CDON: variants seen among roughly 807,000 people sequenced by gnomAD.
CDON encodes cell adhesion associated, oncogene regulated.
In CDON, 73 loss-of-function variants were observed where a neutral mutation model predicts 120.9. That is an observed-to-expected ratio of 0.60 (90% CI 0.50 to 0.73). The LOEUF (loss-of-function observed/expected upper bound fraction) is 0.73. Ranked by LOEUF, CDON falls within the 30% of genes least tolerant of loss-of-function variation. CDON has a pLI of 0.00. For synonymous variants in CDON, 566 were observed against 573.5 expected (o/e 0.99, Z 0.19); for missense variants, 1,470 against 1,587.3 (o/e 0.93, Z 1.26).
At position 125,981,188 on chromosome 11, in the gene CDON, T is replaced by G. The variant is rs761608208; in HGVS notation, c.3137A>C (p.Tyr1046Ser). The G allele has an allele frequency of 6.2e-7, 1 of 1,614,078 alleles. No individual in the cohort carries two copies. Among genetic ancestry groups the G allele is most frequent in the Non-Finnish European group, 8.5e-7 (1 of 1,180,038 alleles). Residue 1046 changes from tyrosine to serine, a missense_variant, in exon 17 of 20, where the codon TAT (tyrosine) becomes TCT (serine). Tyr to Ser is a moderately radical substitution (Grantham distance 144). Transcript: ENST00000531738. ...GGGGACCTTATGGTGAAGGTGGGAA[T>G]AGCCACTGCTGAGACCGCCATTGGT... is the stretch of plus-strand genomic sequence containing the variant. ...FLTNGGLSSGYSHLHHKVPNA... is the reference protein window; with the variant it reads ...FLTNGGLSSGSSHLHHKVPNA...
At chr11:126,000,849 T>A (rs1946923696) in intron 11 of CDON, among the ~76,000 whole-genome samples, 1 of 152,142 alleles carries the variant, frequency 6.6e-6, no homozygotes. Context: ...TTCTCAGAGC[T>A]TAGCAATGAA....
intron 11 of CDON, among the ~76,000 whole-genome samples, chr11:125,997,658 A>C (rs1252306953): frequency 6.6e-6 from 1 of 152,240 alleles, no homozygotes; most frequent in Non-Finnish European, 1.5e-5. Flanking sequence ...AAAGCTAACA[A>C]GTATGATCAT....
At chr11:125,985,214 G>A (rs556640541) in intron 15 of CDON, among the ~76,000 whole-genome samples, 27 of 152,144 alleles carry the variant, frequency 1.8e-4, no homozygotes, top group East Asian at 1.4e-3. Flanking sequence ...TCACCCTGTC[G>A]CCCAGGCTGG....
rs1407414110 is a variant in CDON at position 126,001,775 on chromosome 11, T to C, written c.2102A>G (p.Glu701Gly). ...VGIPKYPVVSEAANNNFGVVL... is the reference protein window; with the variant it reads ...VGIPKYPVVSGAANNNFGVVL... ...CACTCCAAAATTGTTGTTTGCAGCC[T>C]CTGAAACAACGGGATACTTAGGGAT... The change falls in exon 11 of 20, where the codon GAG (glutamate) becomes GGG (glycine). Residue 701 changes from glutamate to glycine, a missense_variant. Coordinates refer to ENST00000531738, the MANE Select transcript of CDON (RefSeq NM_001378964.1). 6.2e-7 allele frequency: 1 copy of C among 1,612,904 alleles called. No homozygotes were observed.
chr11:125,978,423 G>A (rs1946203977), intron 17 of CDON, 40 bp from the exon 18 acceptor site: 1 of 1,340,542 alleles, frequency 7.5e-7, no homozygotes, highest in African/African-American at 1.4e-5. Flanking sequence ...AAAAGAAGAA[G>A]GAATGCTGAA....
At chr11:126,056,263 T>A (rs1297643141) in intron 1 of CDON, among the ~76,000 whole-genome samples, 1 of 152,178 alleles carries the variant, frequency 6.6e-6, no homozygotes, top group Non-Finnish European at 1.5e-5. Context: ...ATAATCTGCA[T>A]CTTTGAGGAC....
chr11:126,015,936 A>G (rs970031469), intron 6 of CDON, among the ~76,000 whole-genome samples: 1 of 152,226 alleles, frequency 6.6e-6, no homozygotes, highest in Admixed American at 6.5e-5. Flanking sequence ...GGTCAATTCA[A>G]CTTTGAGGTT....
intron 18 of CDON, among the ~76,000 whole-genome samples, chr11:125,970,033 T>C (rs1945921204): frequency 6.6e-6 from 1 of 152,220 alleles, no homozygotes; most frequent in Non-Finnish European, 1.5e-5. Context: ...GATGACTATA[T>C]AATTTTTGCA....
In CDON at chr11:125,960,784, A is replaced by G; in HGVS notation, c.*158T>C. The G allele has an allele frequency of 1.4e-6, 1 of 716,144 alleles. No individual in the cohort carries two copies. Among genetic ancestry groups the G allele is most frequent in the Non-Finnish European group, 2.5e-6 (1 of 404,996 alleles). 44.4% of individuals were successfully genotyped at this position (716,144 alleles called of 1,614,324 possible). A position where few individuals can be genotyped will look rare whatever the true frequency, so the allele number is the denominator to read the frequency against. On this transcript the variant is annotated 3_prime_UTR_variant, in exon 20 of 20. Coordinates refer to ENST00000531738, the MANE Select transcript of CDON (RefSeq NM_001378964.1). ...TAAGGCATAAATAATATAAAAGGGC[A>G]CACGTTTTAAGATACATTCATATGA...
Position 125,971,406 on chromosome 11 carries a change from A to T in CDON, c.3356+6898T>A, listed in dbSNP as rs1287659118. Among the ~76,000 whole-genome samples, 405 of 149,416 alleles carry T rather than the reference A, an allele frequency of 2.7e-3. 2 individuals are homozygous for T. Among genetic ancestry groups the T allele is most frequent in the African/African-American group, 9.0e-3 (359 of 39,690 alleles). ...TCTAAATAAATAAATAAATAAATAA[A>T]TAAATAATAATAATTAATGTTCTCA... On this transcript the variant is annotated intron_variant, in intron 18 of 19. Transcript: ENST00000531738.
At chr11:126,008,553 G>A (rs1008267886) in intron 8 of CDON, among the ~76,000 whole-genome samples, 4 of 151,276 alleles carry the variant, frequency 2.6e-5, no homozygotes, top group South Asian at 4.2e-4. Flanking sequence ...AAGGGCTTCC[G>A]ATTTCTCATA....
At chr11:126,051,946 G>C (rs1211702071) in intron 1 of CDON, among the ~76,000 whole-genome samples, 1 of 152,072 alleles carries the variant, frequency 6.6e-6, no homozygotes, top group African/African-American at 2.4e-5. Flanking sequence ...ACCGCACCTG[G>C]CCAACAATAG....
At chr11:125,980,145 A>G (rs1374339992) in intron 17 of CDON, among the ~76,000 whole-genome samples, 1 of 152,238 alleles carries the variant, frequency 6.6e-6, no homozygotes, top group African/African-American at 2.4e-5. Context: ...TATCTATTTG[A>G]TCAAAAGTAA....
chr11:126,041,709 A>C (rs1227692052), intron 1 of CDON, among the ~76,000 whole-genome samples: 1 of 152,246 alleles, frequency 6.6e-6, no homozygotes, highest in Non-Finnish European at 1.5e-5. Flanking sequence ...CCATCAGGTC[A>C]ATCTATCCCG....
At chr11:125,978,476 A>T in intron 17 of CDON, 93 bp from the exon 18 acceptor site, 1 of 798,420 alleles carries the variant, frequency 1.3e-6, no homozygotes, top group East Asian at 2.6e-5. Flanking sequence ...AATACACATG[A>T]GCCATGTCAA....
intron 1 of CDON, among the ~76,000 whole-genome samples, chr11:126,050,485 G>C (rs1214794252): frequency 7.3e-6 from 1 of 136,374 alleles, no homozygotes; most frequent in Non-Finnish European, 1.5e-5. Flanking sequence ...TACATTTCCT[G>C]TAAGTAGCAA....
intron 10 of CDON, 112 bp from the exon 11 acceptor site, chr11:126,001,962 T>G: frequency 1.2e-6 from 1 of 802,722 alleles, no homozygotes; most frequent in East Asian, 2.6e-5. Context: ...TATGAACTTA[T>G]CAGACACAGC....
At chr11:126,023,701 C>G (rs1947703068) in intron 1 of CDON, among the ~76,000 whole-genome samples, 164 bp from the exon 2 acceptor site, 1 of 152,232 alleles carries the variant, frequency 6.6e-6, no homozygotes, top group African/African-American at 2.4e-5. Context: ...AGACTGATCT[C>G]TAGACACTAG....
At chr11:125,999,759 C>T (rs776293727) in intron 11 of CDON, among the ~76,000 whole-genome samples, 11 of 152,120 alleles carry the variant, frequency 7.2e-5, no homozygotes, top group Non-Finnish European at 1.5e-4. Context: ...CCTTATTTCT[C>T]TAGCCTTTTC....
Sources: gnomAD v4.1 joint callset for allele counts (sites outside exome capture counted in the v4.1 genomes callset) on GRCh38, gnomAD v4.1.1 for gene constraint, MANE v1.5 for transcripts, NCBI Gene and HGNC (gene_info 2026-07-23, HGNC 2026-07-21) for gene names.